APBA2: variants seen among roughly 807,000 people sequenced by gnomAD.
APBA2 encodes amyloid beta precursor protein binding family A member 2, also known as amyloid-beta A4 precursor protein-binding family A member 2.
APBA2 carries 30 observed loss-of-function variants against 75.0 expected under a neutral mutation model. The observed-to-expected ratio is 0.40, with a 90% CI of 0.30 to 0.54. The LOEUF is 0.54. APBA2 is among the 20% of genes least tolerant of loss of function. The pLI, the probability that APBA2 is intolerant of heterozygous loss-of-function variation, is 0.49. For synonymous variants in APBA2, 444 were observed against 409.6 expected (o/e 1.08, Z -1.01); for missense variants, 801 against 1,016.1 (o/e 0.79, Z 2.88).
intron 2 of APBA2, among the ~76,000 whole-genome samples, chr15:28,971,271 G>A (rs910991431): frequency 1.8e-4 from 27 of 151,898 alleles, no homozygotes; most frequent in African/African-American, 6.3e-4. Flanking sequence ...AGATAACAGC[G>A]CCCACCAAAT....
chr15:29,083,933 G>GATTTATCTGTCCACTTGTTCAAGCTC lies in APBA2; in HGVS notation c.1069+7851_1069+7876dup, dbSNP rs1268727544. On this transcript the variant is annotated intron_variant, in intron 6 of 14. Transcript: ENST00000683413. The stretch of plus-strand genomic sequence containing the variant: ...AACATAGTCTTTCTAGCCAACAAAG[G>GATTTATCTGTCCACTTGTTCAAGCTC]ATTTATCTGTCCACTTGTTCAAGCT... 5.9e-5 allele frequency among the ~76,000 whole-genome samples: 9 copies of GATTTATCTGTCCACTTGTTCAAGCTC among 152,292 alleles called. No homozygotes were observed. In the East Asian group the frequency reaches 1.7e-3, roughly 29 times the overall value.
At chr15:28,910,611 G>A (rs1222260836) in intron 1 of APBA2, among the ~76,000 whole-genome samples, 1 of 152,170 alleles carries the variant, frequency 6.6e-6, no homozygotes, top group African/African-American at 2.4e-5. Context: ...GCGTCACACC[G>A]CCTGGGTTAG....
intron 2 of APBA2, among the ~76,000 whole-genome samples, chr15:28,932,442 A>G (rs903020775): frequency 3.3e-5 from 5 of 152,120 alleles, no homozygotes; most frequent in African/African-American, 1.2e-4. Context: ...GGATGTGACA[A>G]TGCAGGTGGG....
chr15:29,004,523 A>G (rs2039011529), intron 3 of APBA2, among the ~76,000 whole-genome samples: 1 of 151,994 alleles, frequency 6.6e-6, no homozygotes, highest in African/African-American at 2.4e-5. Context: ...GTAAAAATAC[A>G]AATGCAGGTC....
At position 29,011,081 on chromosome 15, in the gene APBA2, C is replaced by A. The variant is rs370291099; in HGVS notation, c.-41+15275C>A. Among the ~76,000 whole-genome samples, 8 of 152,174 alleles carry A rather than the reference C, an allele frequency of 5.3e-5. No individual in the cohort carries two copies. The East Asian group carries it at 7.7e-4, about 15-fold the overall frequency. On this transcript the variant is annotated intron_variant, in intron 3 of 14. Coordinates refer to ENST00000683413, the MANE Select transcript of APBA2 (RefSeq NM_001353788.2). Reference sequence around the variant, plus strand: ...CTACTCTAGGTACCTCAAGTGGAATCCTACAGTTTCTGTCTTTTTGTGACT... The same window carrying A: ...CTACTCTAGGTACCTCAAGTGGAATACTACAGTTTCTGTCTTTTTGTGACT...
At chr15:29,093,295 G>C in intron 7 of APBA2, 75 bp downstream of exon 7, 1 of 1,574,978 alleles carries the variant, frequency 6.3e-7, no homozygotes, top group Non-Finnish European at 8.6e-7. Context: ...ATATGGCGGG[G>C]CGTAGGCCCT....
At chr15:29,029,155 T>G (rs1339702203) in intron 3 of APBA2, among the ~76,000 whole-genome samples, 1 of 152,192 alleles carries the variant, frequency 6.6e-6, no homozygotes, top group Non-Finnish European at 1.5e-5. Flanking sequence ...TACATTTAAG[T>G]CTTTAATCCA....
intron 3 of APBA2, among the ~76,000 whole-genome samples, chr15:29,028,094 C>T (rs1467196549): frequency 6.6e-6 from 1 of 151,920 alleles, no homozygotes; most frequent in African/African-American, 2.4e-5. Context: ...CCTATCAACC[C>T]ATCACCGAGG....
rs1338080055 is a variant in APBA2, at chr15:29,117,644, C to T, written c.*511C>T. ...GGGCAGCCTGGCTCCCAGGACACGA[C>T]TTGTAATGAAAGTTTGGGGACATGT... On this transcript the variant is annotated 3_prime_UTR_variant, in exon 15 of 15. Coordinates refer to ENST00000683413, the MANE Select transcript of APBA2 (RefSeq NM_001353788.2). The T allele has an allele frequency of 6.2e-6, 1 of 160,646 alleles. No individual in the cohort carries two copies. Among genetic ancestry groups the T allele is most frequent in the Admixed American group, 5.9e-5 (1 of 17,070 alleles). 10.0% of individuals were successfully genotyped at this position (160,646 alleles called of 1,614,324 possible). A position where few individuals can be genotyped will look rare whatever the true frequency, so the allele number is the denominator to read the frequency against.
chr15:28,909,881 C>T (rs1047694024), intron 1 of APBA2, among the ~76,000 whole-genome samples: 2 of 152,162 alleles, frequency 1.3e-5, no homozygotes, highest in African/African-American at 4.8e-5. Flanking sequence ...TCTTTTATCC[C>T]AGTGCTCTTG....
intron 3 of APBA2, among the ~76,000 whole-genome samples, chr15:28,999,911 A>T (rs1023036624): frequency 2.0e-5 from 3 of 152,204 alleles, no homozygotes; most frequent in African/African-American, 7.2e-5. Context: ...ACTGGTGCAG[A>T]TTCCAGTCCA....
intron 6 of APBA2, among the ~76,000 whole-genome samples, chr15:29,081,152 C>A (rs2043068039): frequency 6.6e-6 from 1 of 152,164 alleles, no homozygotes. Context: ...ACAGTGGGCA[C>A]ATGGGATCTG....
intron 1 of APBA2, among the ~76,000 whole-genome samples, chr15:28,892,196 T>A (rs2152609392): frequency 1.3e-5 from 2 of 152,326 alleles, no homozygotes; most frequent in South Asian, 4.1e-4. Context: ...TGCCTCAGCC[T>A]ACCGAGTAGC....
At chr15:29,037,871 A>C (rs1380498928) in intron 3 of APBA2, among the ~76,000 whole-genome samples, 2 of 152,166 alleles carry the variant, frequency 1.3e-5, no homozygotes, top group Non-Finnish European at 2.9e-5. Context: ...TCTTATGAGG[A>C]GCCCTCTCCC....
chr15:28,928,495 T>C (rs991738810), intron 2 of APBA2, among the ~76,000 whole-genome samples: 12 of 152,184 alleles, frequency 7.9e-5, no homozygotes, highest in African/African-American at 2.9e-4. Context: ...CAGCGGTCTA[T>C]AGTCTTCTGA....
chr15:29,047,546 T>A (rs773030888), intron 3 of APBA2, among the ~76,000 whole-genome samples: 3 of 152,246 alleles, frequency 2.0e-5, no homozygotes, highest in Non-Finnish European at 4.4e-5. Flanking sequence ...TATTTATTTT[T>A]GATTGCTTAG....
intron 4 of APBA2, among the ~76,000 whole-genome samples, chr15:29,056,636 C>CCTCTCT (rs147310000): frequency 4.8e-4 from 46 of 96,300 alleles, no homozygotes; most frequent in East Asian, 2.7e-3. Flanking sequence ...CTCCCTCCCT[C>CCTCTCT]CTCTCTCTCT....
At chr15:29,114,684 G>C (rs2044957784) in intron 14 of APBA2, among the ~76,000 whole-genome samples, 1 of 151,454 alleles carries the variant, frequency 6.6e-6, no homozygotes. Flanking sequence ...AGTGTGGGTA[G>C]GTGTGGGAAA....
chr15:29,109,904 G>T (rs529874957), intron 13 of APBA2, among the ~76,000 whole-genome samples: 5 of 152,318 alleles, frequency 3.3e-5, no homozygotes, highest in Admixed American at 6.5e-5. Flanking sequence ...CCTGGACCTG[G>T]CACAGGTGCC....
Sources: allele counts gnomAD v4.1 joint callset (sites outside exome capture counted in the v4.1 genomes callset), GRCh38; gene constraint gnomAD v4.1.1; transcripts MANE v1.5; gene names NCBI Gene and HGNC (gene_info 2026-07-23, HGNC 2026-07-21).